Variants in SNX13 observed in about 807,000 individuals in gnomAD.
SNX13 encodes sorting nexin-13.
Under a neutral mutation model 133.6 loss-of-function variants are expected in SNX13, and 45 were observed. That is an observed-to-expected ratio of 0.34 (90% CI 0.27 to 0.43). The LOEUF is 0.43. Ranked by LOEUF, SNX13 falls within the 20% of genes least tolerant of loss-of-function variation. SNX13 has a pLI of 1.00. For synonymous variants in SNX13, 414 were observed against 373.9 expected (o/e 1.11, Z -1.24); for missense variants, 1,032 against 1,145.1 (o/e 0.90, Z 1.43).
At chr7:17,883,135 T>C (rs1583611925) in intron 5 of SNX13, among the ~76,000 whole-genome samples, 2 of 152,250 alleles carry the variant, frequency 1.3e-5, no homozygotes, top group Admixed American at 6.5e-5. Flanking sequence ...TAGTGAGCTA[T>C]AACACTGCTT....
In SNX13 at chr7:17,839,823, T is replaced by C. The variant is rs1562740508; in HGVS notation, c.1343A>G (p.Gln448Arg). Reference protein sequence around the residue: ...LRAAAVGIYEQYLSEKASPRV... With the variant: ...LRAAAVGIYERYLSEKASPRV... ...CAGCCTCACCTTTTCTGATAAATAC[T>C]GTTCATAAATTCCAACAGCAGCTGC... Residue 448 changes from glutamine (Q) to arginine (R), a missense_variant, in exon 13 of 26, where the codon CAG (glutamine) becomes CGG (arginine). Coordinates refer to ENST00000428135, the MANE Select transcript of SNX13 (RefSeq NM_015132.5). 1 of 1,609,318 alleles carries C rather than the reference T, an allele frequency of 6.2e-7. No homozygotes were observed. The highest frequency in any genetic ancestry group is 8.5e-7 in the Non-Finnish European group (1 of 1,177,446).
At position 17,868,499 on chromosome 7, in the gene SNX13, A is replaced by G; in HGVS notation, c.754-9T>C. ...CCTCGTGCAAGGATTTCCTGAAAAA[A>G]AAGTAAATAACAAAAACAAATTTAA... On this transcript the variant is annotated splice_polypyrimidine_tract_variant and intron_variant, in intron 8 of 25. Coordinates refer to ENST00000428135, the MANE Select transcript of SNX13 (RefSeq NM_015132.5). 1 of 1,589,342 alleles carries G rather than the reference A, an allele frequency of 6.3e-7. No individual in the cohort carries two copies. Among genetic ancestry groups the G allele is most frequent in the Non-Finnish European group, 8.6e-7 (1 of 1,166,338 alleles).
chr7:17,821,203 C>CA (rs1787242310), intron 18 of SNX13, among the ~76,000 whole-genome samples: 1 of 152,006 alleles, frequency 6.6e-6, no homozygotes, highest in South Asian at 2.1e-4. Context: ...AATCTAAGCC[C>CA]AAAAAACTTT....
At chr7:17,857,099 A>C (rs1792005606) in intron 9 of SNX13, among the ~76,000 whole-genome samples, 1 of 152,154 alleles carries the variant, frequency 6.6e-6, no homozygotes, top group South Asian at 2.1e-4. Context: ...ATCAGAGACC[A>C]TTATAAATAA....
intron 5 of SNX13, chr7:17,882,983 T>C (rs1005327069): frequency 6.2e-6 from 2 of 322,588 alleles, no homozygotes; most frequent in Non-Finnish European, 1.1e-5. Context: ...ACAAACAGGG[T>C]TCTTAACTTT....
At chr7:17,864,072 T>A (rs969242808) in intron 9 of SNX13, among the ~76,000 whole-genome samples, 1 of 152,112 alleles carries the variant, frequency 6.6e-6, no homozygotes, top group Admixed American at 6.5e-5. Context: ...ATGGTACAAA[T>A]AAGCCCAGAT....
At chr7:17,809,282 C>CAAGAAAAAA (rs1785705884) in intron 20 of SNX13, among the ~76,000 whole-genome samples, 1 of 49,274 alleles carries the variant, frequency 2.0e-5, no homozygotes, top group Admixed American at 3.2e-4. Flanking sequence ...AGATGGAAAG[C>CAAGAAAAAA]AAAAAAAAAA....
chr7:17,929,948 C>A (rs530628182), intron 1 of SNX13, among the ~76,000 whole-genome samples: 1 of 152,170 alleles, frequency 6.6e-6, no homozygotes, highest in Non-Finnish European at 1.5e-5. Context: ...CTGGGTCATA[C>A]AGGATTACTC....
At chr7:17,805,312 G>A (rs778567299) in intron 20 of SNX13, among the ~76,000 whole-genome samples, 2 of 148,104 alleles carry the variant, frequency 1.4e-5, no homozygotes, top group Non-Finnish European at 3.0e-5. Context: ...GTAGTTTTTG[G>A]TCAACCAGAA....
intron 20 of SNX13, among the ~76,000 whole-genome samples, 167 bp downstream of exon 20, chr7:17,814,667 A>C (rs751115059): frequency 6.6e-6 from 1 of 152,166 alleles, no homozygotes; most frequent in Non-Finnish European, 1.5e-5. Context: ...TCAAGACAGG[A>C]GTTTATATGT....
intron 18 of SNX13, 149 bp from the exon 19 acceptor site, chr7:17,816,438 G>T: frequency 7.6e-6 from 7 of 919,008 alleles, no homozygotes; most frequent in South Asian, 1.7e-5. Context: ...GAGGCAGGCG[G>T]ATCACCTGAG....
intron 16 of SNX13, among the ~76,000 whole-genome samples, chr7:17,827,742 C>G (rs996904900): frequency 1.6e-4 from 25 of 151,622 alleles, no homozygotes; most frequent in Non-Finnish European, 7.4e-5. Context: ...ACATCTCTGT[C>G]AGGACATACT....
chr7:17,861,952 CTCAG>C (rs1281241249), intron 9 of SNX13, among the ~76,000 whole-genome samples: 2 of 152,156 alleles, frequency 1.3e-5, no homozygotes, highest in South Asian at 2.1e-4. Flanking sequence ...CCTCACATCT[CTCAG>C]TCAAATTCTT....
At chr7:17,827,686 C>A (rs182484824) in intron 16 of SNX13, among the ~76,000 whole-genome samples, 18 of 151,864 alleles carry the variant, frequency 1.2e-4, no homozygotes, top group African/African-American at 4.3e-4. Context: ...ACTACTTTCT[C>A]GGATTTCAGT....
At chr7:17,873,972 T>C (rs1289491781) in intron 7 of SNX13, among the ~76,000 whole-genome samples, 1 of 152,176 alleles carries the variant, frequency 6.6e-6, no homozygotes, top group Non-Finnish European at 1.5e-5. Context: ...TTCACACATA[T>C]AAAAACATAG....
At chr7:17,852,964 A>G (rs1035318789) in intron 9 of SNX13, among the ~76,000 whole-genome samples, 3 of 152,230 alleles carry the variant, frequency 2.0e-5, no homozygotes, top group East Asian at 1.9e-4. Context: ...AATTTCCTCA[A>G]TTTTTCAGTG....
chr7:17,878,258 T>C (rs2128359750), intron 5 of SNX13, among the ~76,000 whole-genome samples: 2 of 152,270 alleles, frequency 1.3e-5, no homozygotes, highest in African/African-American at 4.8e-5. Context: ...GGCTATTACA[T>C]AATGCATCTT....
At chr7:17,841,659 G>C (rs1789918250) in intron 12 of SNX13, among the ~76,000 whole-genome samples, 1 of 149,038 alleles carries the variant, frequency 6.7e-6, no homozygotes, top group South Asian at 2.1e-4. Context: ...CAACATACAT[G>C]AACAGAAACT....
intron 21 of SNX13, among the ~76,000 whole-genome samples, chr7:17,803,075 C>T (rs555564141): frequency 4.5e-4 from 68 of 151,998 alleles, no homozygotes; most frequent in African/African-American, 1.1e-3. Context: ...CTCATCTGCA[C>T]GACAGAATTT....
Sources: gnomAD v4.1 joint callset for allele counts (sites outside exome capture counted in the v4.1 genomes callset) on GRCh38, gnomAD v4.1.1 for gene constraint, MANE v1.5 for transcripts, NCBI Gene and HGNC (gene_info 2026-07-23, HGNC 2026-07-21) for gene names.